The following CUL4A variants were observed in gnomAD, a reference collection of about 807,000 sequenced individuals.
CUL4A encodes the protein cullin 4A.
CUL4A carries 16 observed loss-of-function variants against 95.5 expected under a neutral mutation model. That is an observed-to-expected ratio of 0.17 (90% CI 0.11 to 0.25). The LOEUF (loss-of-function observed/expected upper bound fraction) is 0.25. Among genes scored for constraint, CUL4A ranks in the 10% least tolerant of loss-of-function variants. The pLI, the probability that CUL4A is intolerant of heterozygous loss-of-function variation, is 1.00. For missense variants in CUL4A, 610 were observed against 937.0 expected, an observed-to-expected ratio of 0.65 and a Z score of 4.56; for synonymous variants, 380 against 353.1, an observed-to-expected ratio of 1.08 and a Z score of -0.85.
At chr13:113,227,735 C>T (rs753649919) in intron 3 of CUL4A, among the ~76,000 whole-genome samples, 2 of 152,014 alleles carry the variant, frequency 1.3e-5, no homozygotes, top group Non-Finnish European at 2.9e-5. Flanking sequence ...GAAACCCCGT[C>T]TCTACTAAAA....
intron 2 of CUL4A, among the ~76,000 whole-genome samples, chr13:113,215,696 ATGTGGCTGTGGAGGTCGCTG>A (rs1567012710): frequency 7.0e-6 from 1 of 142,374 alleles, no homozygotes; most frequent in African/African-American, 2.7e-5. Context: ...GTCGCGTCCC[ATGTGGCTGTGGAGGTCGCTG>A]TGTGGCTATG....
At chr13:113,237,254 T>G (rs2041575008) in intron 9 of CUL4A, among the ~76,000 whole-genome samples, 1 of 152,204 alleles carries the variant, frequency 6.6e-6, no homozygotes, top group African/African-American at 2.4e-5. Flanking sequence ...TGTAGGGGAC[T>G]CGGGGAGCTG....
chr13:113,212,300 A>G (rs982952943), intron 2 of CUL4A, among the ~76,000 whole-genome samples: 1 of 152,130 alleles, frequency 6.6e-6, no homozygotes, highest in African/African-American at 2.4e-5. Flanking sequence ...TAATTGTTTT[A>G]AGTTTTCAAG....
intron 15 of CUL4A, among the ~76,000 whole-genome samples, chr13:113,248,265 C>T (rs899449037): frequency 6.6e-6 from 1 of 152,134 alleles, no homozygotes; most frequent in African/African-American, 2.4e-5. Flanking sequence ...CCAGCTCTAT[C>T]ATTTCTCTAT....
chr13:113,245,333 A>G, intron 14 of CUL4A, 96 bp downstream of exon 14: 2 of 1,106,700 alleles, frequency 1.8e-6, no homozygotes, highest in Non-Finnish European at 2.7e-6. Context: ...AGGCAGAGGC[A>G]AGAGACGTTC....
At chr13:113,208,529 G>T, upstream of CUL4A, 1 of 1,576,430 alleles carries the variant, frequency 6.3e-7, no homozygotes, top group East Asian at 2.3e-5. Context: ...GAGGGTCCAA[G>T]GCAGGAGGGG....
chr13:113,250,453 T>C (rs544376218), intron 15 of CUL4A, among the ~76,000 whole-genome samples: 6 of 152,138 alleles, frequency 3.9e-5, no homozygotes, highest in Non-Finnish European at 8.8e-5. Flanking sequence ...TCCGAGACCG[T>C]GTCTCAAAAA....
intron 18 of CUL4A, among the ~76,000 whole-genome samples, chr13:113,257,926 A>C (rs1241919988): frequency 6.6e-6 from 1 of 152,136 alleles, no homozygotes; most frequent in Non-Finnish European, 1.5e-5. Context: ...TTGAATTATC[A>C]CCTTATTATG....
At chr13:113,210,141 C>G in intron 2 of CUL4A, 53 bp downstream of exon 2, 1 of 1,272,676 alleles carries the variant, frequency 7.9e-7, no homozygotes, top group Non-Finnish European at 1.0e-6. Flanking sequence ...GTGACGCAGA[C>G]GCGGCCGGGC....
At chr13:113,209,006 G>A (rs2040199212), upstream of CUL4A, 3 of 859,364 alleles carry the variant, frequency 3.5e-6, no homozygotes, top group South Asian at 4.5e-5. Flanking sequence ...TCCGCGCCTG[G>A]CTGGGCCAGG....
intron 4 of CUL4A, among the ~76,000 whole-genome samples, 197 bp downstream of exon 4, chr13:113,228,242 C>CA (rs2041178846): frequency 6.6e-6 from 1 of 152,216 alleles, no homozygotes. Flanking sequence ...TCTTGGCCTT[C>CA]AGGTCCACAG....
upstream of CUL4A, chr13:113,209,569 G>A (rs2040261992): frequency 3.2e-6 from 3 of 931,250 alleles, no homozygotes; most frequent in Non-Finnish European, 3.8e-6. Flanking sequence ...CGGGGCGGGC[G>A]GAGCGGAGCT....
chr13:113,264,507 G>A lies in CUL4A; in HGVS notation c.*925G>A, dbSNP rs2042364973. 6.6e-6 allele frequency: 1 copy of A among 152,352 alleles called. No homozygotes were observed. Among genetic ancestry groups the A allele is most frequent in the African/African-American group, 2.4e-5 (1 of 41,420 alleles). 9.4% of individuals were successfully genotyped at this position (152,352 alleles called of 1,614,324 possible). On this transcript the variant is annotated 3_prime_UTR_variant, in exon 20 of 20. Transcript: ENST00000375440. ...AAAGTCTTGATGTTGTGAAGCAGAG[G>A]TTATTTTGTGGAAAGATTAAAAGGA...
chr13:113,257,045 C>A (rs2042147645), intron 18 of CUL4A, among the ~76,000 whole-genome samples: 2 of 151,104 alleles, frequency 1.3e-5, no homozygotes, highest in African/African-American at 2.4e-5. Flanking sequence ...CTGTCTCAGC[C>A]TCTCGAGTAG....
intron 10 of CUL4A, among the ~76,000 whole-genome samples, chr13:113,241,178 G>A (rs554011426): frequency 2.6e-5 from 4 of 152,158 alleles, no homozygotes; most frequent in Admixed American, 6.5e-5. Flanking sequence ...GAAGATTTAG[G>A]TTTTTTGCCA....
At chr13:113,224,564 T>A (rs2041030747) in intron 3 of CUL4A, among the ~76,000 whole-genome samples, 1 of 152,220 alleles carries the variant, frequency 6.6e-6, no homozygotes, top group Non-Finnish European at 1.5e-5. Flanking sequence ...GTTGGGGAAG[T>A]TGCAAAGCTC....
At chr13:113,211,729 C>T (rs2040453502) in intron 2 of CUL4A, among the ~76,000 whole-genome samples, 2 of 152,034 alleles carry the variant, frequency 1.3e-5, no homozygotes, top group African/African-American at 4.8e-5. Flanking sequence ...TGTGAATAAC[C>T]CTTTGTTTGG....
intron 11 of CUL4A, 146 bp downstream of exon 11, chr13:113,243,306 G>C (rs1298570161): frequency 1.5e-6 from 1 of 680,908 alleles, no homozygotes; most frequent in Non-Finnish European, 2.3e-6. Flanking sequence ...TTTTTATCAA[G>C]TCTTATTAGG....
chr13:113,247,079 G>A (rs778599917), intron 15 of CUL4A, among the ~76,000 whole-genome samples: 7 of 152,154 alleles, frequency 4.6e-5, no homozygotes, highest in African/African-American at 7.2e-5. Flanking sequence ...GGGGGAGTAG[G>A]CGAGAGAGAG....
Sources: gnomAD v4.1 joint callset for allele counts (sites outside exome capture counted in the v4.1 genomes callset) on GRCh38, gnomAD v4.1.1 for gene constraint, MANE v1.5 for transcripts, NCBI Gene and HGNC (gene_info 2026-07-23, HGNC 2026-07-21) for gene names.